Variants in ACTL8 observed in about 807,000 individuals in gnomAD.
The protein encoded by ACTL8 is actin like 8.
In ACTL8, 3 loss-of-function variants were observed where a neutral mutation model predicts 9.3. The observed-to-expected ratio is 0.32, with a 90% CI of 0.15 to 0.83. The LOEUF is 0.83. Among genes scored for constraint, ACTL8 ranks in the 40% least tolerant of loss-of-function variants. The pLI is 0.57. For synonymous variants in ACTL8, 224 were observed against 205.9 expected (o/e 1.09, Z -0.75); for missense variants, 381 against 492.2 (o/e 0.77, Z 2.14).
At chr1:17,774,380 G>T (rs2066103861) in intron 1 of ACTL8, among the ~76,000 whole-genome samples, 1 of 151,990 alleles carries the variant, frequency 6.6e-6, no homozygotes, top group African/African-American at 2.4e-5. Context: ...CACATAGTAG[G>T]TGCTCCGTAA....
At chr1:17,794,253 G>A (rs1214992390) in intron 1 of ACTL8, among the ~76,000 whole-genome samples, 1 of 152,156 alleles carries the variant, frequency 6.6e-6, no homozygotes. Flanking sequence ...CAGTGGAGTG[G>A]AATCACAGTA....
At chr1:17,816,919 G>A (rs1456904559) in intron 1 of ACTL8, among the ~76,000 whole-genome samples, 1 of 152,194 alleles carries the variant, frequency 6.6e-6, no homozygotes. Context: ...TCAGGTCAAA[G>A]TTTGAGAGAA....
At chr1:17,812,065 C>T (rs61766699) in intron 1 of ACTL8, among the ~76,000 whole-genome samples, 4,218 of 151,942 alleles carry the variant, frequency 0.028, 91 homozygotes, top group Non-Finnish European at 0.043. Context: ...ATCATGTTGC[C>T]CAGGCTTGTC....
chr1:17,803,738 A>G (rs980932950), intron 1 of ACTL8, among the ~76,000 whole-genome samples: 21 of 152,186 alleles, frequency 1.4e-4, no homozygotes, highest in Admixed American at 1.1e-3. Flanking sequence ...GACTTAAATC[A>G]TTAAATTCAG....
intron 1 of ACTL8, among the ~76,000 whole-genome samples, chr1:17,815,784 TC>T (rs1331950937): frequency 6.6e-6 from 1 of 152,204 alleles, no homozygotes; most frequent in African/African-American, 2.4e-5. Context: ...CTTTGAAACT[TC>T]AATGACATGA....
At chr1:17,801,428 A>T (rs2066321902) in intron 1 of ACTL8, among the ~76,000 whole-genome samples, 1 of 152,250 alleles carries the variant, frequency 6.6e-6, no homozygotes. Context: ...AATCTACAAG[A>T]TACCAAGATG....
intron 1 of ACTL8, among the ~76,000 whole-genome samples, chr1:17,757,879 G>A (rs2065978254): frequency 6.6e-6 from 1 of 152,216 alleles, no homozygotes; most frequent in Non-Finnish European, 1.5e-5. Context: ...AGCTTGGTTG[G>A]TTGACTGAAA....
chr1:17,817,902 A>T (rs933534382), intron 1 of ACTL8, among the ~76,000 whole-genome samples: 3 of 152,044 alleles, frequency 2.0e-5, no homozygotes, highest in African/African-American at 7.3e-5. Context: ...GGGTTTCGCC[A>T]TGTTGGCCGG....
At chr1:17,798,816 G>A (rs760726548) in intron 1 of ACTL8, among the ~76,000 whole-genome samples, 4 of 152,088 alleles carry the variant, frequency 2.6e-5, no homozygotes, top group African/African-American at 4.8e-5. Context: ...GGGAAGCCAC[G>A]TGTGTGTTGT....
At chr1:17,777,801 C>T (rs1239599895) in intron 1 of ACTL8, among the ~76,000 whole-genome samples, 11 of 152,282 alleles carry the variant, frequency 7.2e-5, no homozygotes, top group Middle Eastern at 3.4e-3. Flanking sequence ...GGAGTTCAAG[C>T]GATTCTTCTG....
chr1:17,824,833 T>C (rs1236643154), intron 2 of ACTL8, among the ~76,000 whole-genome samples: 5 of 151,680 alleles, frequency 3.3e-5, no homozygotes, highest in Non-Finnish European at 7.4e-5. Context: ...AATGGGGGAG[T>C]TGTATCTGAT....
intron 1 of ACTL8, among the ~76,000 whole-genome samples, chr1:17,775,921 A>G (rs559549686): frequency 2.6e-5 from 4 of 152,198 alleles, no homozygotes; most frequent in Non-Finnish European, 5.9e-5. Context: ...CCGGGACAGT[A>G]TAAGGAAGCA....
At chr1:17,782,500 G>A (rs555231148) in intron 1 of ACTL8, among the ~76,000 whole-genome samples, 17 of 152,216 alleles carry the variant, frequency 1.1e-4, no homozygotes, top group East Asian at 5.8e-4. Flanking sequence ...TCGCCACGGC[G>A]GCCACCTGGG....
intron 1 of ACTL8, among the ~76,000 whole-genome samples, chr1:17,802,398 C>T (rs2066327750): frequency 6.6e-6 from 1 of 151,046 alleles, no homozygotes; most frequent in Non-Finnish European, 1.5e-5. Flanking sequence ...TGGCACTGAA[C>T]AGCAGATCCC....
At chr1:17,789,117 C>T (rs894414824) in intron 1 of ACTL8, among the ~76,000 whole-genome samples, 2 of 152,180 alleles carry the variant, frequency 1.3e-5, no homozygotes, top group Non-Finnish European at 2.9e-5. Flanking sequence ...AGTGCATGTT[C>T]TTAATTATAA....
intron 1 of ACTL8, among the ~76,000 whole-genome samples, chr1:17,804,474 G>C (rs11203467): frequency 0.12 from 17,957 of 152,116 alleles, 1,177 homozygotes; most frequent in Admixed American, 0.16. Context: ...ATGGGGAAAG[G>C]GCAGGTCCAA....
Position 17,823,472 on chromosome 1 carries a change from GT to G in ACTL8, c.348+117del. 9.8e-7 allele frequency: 1 copy of G among 1,025,130 alleles called. No homozygotes were observed. Among genetic ancestry groups the G allele is most frequent in the Non-Finnish European group, 1.4e-6 (1 of 719,028 alleles). The allele number at this position is 1,025,130 out of a possible 1,614,324, so 63.5% of individuals were successfully genotyped here. A position where few individuals can be genotyped will look rare whatever the true frequency, so the allele number is the denominator to read the frequency against. On this transcript the variant is annotated intron_variant, in intron 2 of 2. Transcript: ENST00000375406. The surrounding 1 kb of genome is among the most constrained non-coding windows in gnomAD (Gnocchi z 5.3). ...TAAGATAAATTGCCAACCAGGTGTG[GT>G]GGCTTATGCCTGTAATCCCAACACT...
chr1:17,797,516 C>T (rs2066285401), intron 1 of ACTL8, among the ~76,000 whole-genome samples: 1 of 152,204 alleles, frequency 6.6e-6, no homozygotes, highest in South Asian at 2.1e-4. Context: ...CAGTAGCCTT[C>T]TCAGGATCTT....
At chr1:17,764,829 C>T (rs949481308) in intron 1 of ACTL8, among the ~76,000 whole-genome samples, 4 of 152,262 alleles carry the variant, frequency 2.6e-5, no homozygotes, top group African/African-American at 9.6e-5. Flanking sequence ...GCTGCAGTGT[C>T]TCCCTTTCCA....
Sources: gnomAD v4.1 joint callset for allele counts (sites outside exome capture counted in the v4.1 genomes callset) on GRCh38, gnomAD v4.1.1 for gene constraint, Gnocchi (gnomAD v3.1) non-coding constraint, MANE v1.5 for transcripts, NCBI Gene and HGNC (gene_info 2026-07-23, HGNC 2026-07-21) for gene names.